The following CSMD1 variants were observed in gnomAD, a reference collection of about 807,000 sequenced individuals.
CSMD1 encodes CUB and sushi domain-containing protein 1.
In CSMD1, 213 loss-of-function variants were observed where a neutral mutation model predicts 417.5. That is an observed-to-expected ratio of 0.51 (90% confidence interval 0.46 to 0.57). The LOEUF (loss-of-function observed/expected upper bound fraction) is 0.57, where lower values mean the gene tolerates loss of function less well. CSMD1 is among the 20% of genes least tolerant of loss of function. CSMD1 has a pLI of 0.00. For missense variants in CSMD1, 6,923 were observed against 4,529.7 expected, an observed-to-expected ratio of 1.53 and a Z score of -15.17; for synonymous variants, 2,862 against 1,736.8, an observed-to-expected ratio of 1.65 and a Z score of -16.11.
At chr8:3,372,775 G>A (rs1420960599) in intron 18 of CSMD1, among the ~76,000 whole-genome samples, 1 of 152,138 alleles carries the variant, frequency 6.6e-6, no homozygotes, top group African/African-American at 2.4e-5. Flanking sequence ...GGTTACATAG[G>A]TCTGGAGGCC....
chr8:3,090,370 G>C (rs556950947), intron 48 of CSMD1, among the ~76,000 whole-genome samples: 43 of 143,590 alleles, frequency 3.0e-4, no homozygotes, highest in African/African-American at 1.0e-3. Context: ...TTTGGAACAA[G>C]GAGTTTGCTG....
intron 26 of CSMD1, among the ~76,000 whole-genome samples, chr8:3,260,835 G>C (rs1017676132): frequency 6.7e-6 from 1 of 149,896 alleles, no homozygotes; most frequent in African/African-American, 2.5e-5. Context: ...CTCTAAAAAA[G>C]ACCCTGTGAA....
In CSMD1 at chr8:4,347,374, T is replaced by C. The variant is rs184534238; in HGVS notation, c.415+72579A>G. Among the ~76,000 whole-genome samples, 9 of 152,322 alleles carry C rather than the reference T, an allele frequency of 5.9e-5. No individual in the cohort carries two copies. The East Asian group carries it at 1.7e-3, about 29-fold the overall frequency. ...ATAATCGATACTCTCTGCTCTTTGA[T>C]TTCTTGGGACATCTAAGACATTATC... On this transcript the variant is annotated intron_variant, in intron 3 of 69. Transcript: ENST00000635120.
chr8:3,448,908 A>G (rs10097211), intron 12 of CSMD1, among the ~76,000 whole-genome samples: 78,130 of 152,138 alleles, frequency 0.51, 20,222 homozygotes, highest in Admixed American at 0.58. Flanking sequence ...GCACCTCCCT[A>G]TGTATGAATG....
At chr8:3,130,209 G>C (rs1029699684) in intron 41 of CSMD1, among the ~76,000 whole-genome samples, 2 of 152,152 alleles carry the variant, frequency 1.3e-5, no homozygotes, top group African/African-American at 4.8e-5. Flanking sequence ...GATGATCACG[G>C]AGGAAGTGTT....
rs551578253 is a variant in CSMD1, at chr8:4,915,700, G to A, written c.85+78632C>T. On this transcript the variant is annotated intron_variant, in intron 1 of 69. Coordinates refer to ENST00000635120, the MANE Select transcript of CSMD1 (RefSeq NM_033225.6). ...CGGCGGCAGTGGATTTCGGGAGAGGGTCACGCCCTAAACATTATGTCCGGG... is the reference window on the plus strand; with the variant it reads ...CGGCGGCAGTGGATTTCGGGAGAGGATCACGCCCTAAACATTATGTCCGGG... Among the ~76,000 whole-genome samples the A allele has an allele frequency of 3.9e-5, 6 of 152,316 alleles. No homozygotes were observed. The East Asian group carries it at 1.2e-3, about 29-fold the overall frequency.
intron 1 of CSMD1, among the ~76,000 whole-genome samples, chr8:4,944,058 G>A (rs1391257617): frequency 6.6e-6 from 1 of 152,180 alleles, no homozygotes; most frequent in East Asian, 1.9e-4. Flanking sequence ...AAGAAGTGAG[G>A]AAGATGTTTG....
chr8:3,498,085 T>A (rs952197327), intron 10 of CSMD1, among the ~76,000 whole-genome samples: 1 of 152,188 alleles, frequency 6.6e-6, no homozygotes, highest in African/African-American at 2.4e-5. Flanking sequence ...TTGGCTGACA[T>A]TTCTTCTTCT....
At chr8:2,973,692 G>GT (rs1213225349) in intron 56 of CSMD1, among the ~76,000 whole-genome samples, 17 of 152,114 alleles carry the variant, frequency 1.1e-4, no homozygotes, top group African/African-American at 4.1e-4. Context: ...CAAAGGAGAG[G>GT]TTTAGCTCTT....
chr8:3,678,706 G>A (rs189134338), intron 7 of CSMD1, among the ~76,000 whole-genome samples: 1 of 152,154 alleles, frequency 6.6e-6, no homozygotes, highest in East Asian at 1.9e-4. Context: ...GATACTCCTC[G>A]AGAAGAGCAA....
chr8:4,275,469 G>C (rs544302491), intron 3 of CSMD1, among the ~76,000 whole-genome samples: 16 of 152,182 alleles, frequency 1.1e-4, no homozygotes, highest in African/African-American at 3.9e-4. Context: ...TTTACGTGTA[G>C]ATCACAGATC....
chr8:3,674,041 G>C (rs910893762), intron 7 of CSMD1, among the ~76,000 whole-genome samples: 1 of 152,144 alleles, frequency 6.6e-6, no homozygotes, highest in South Asian at 2.1e-4. Context: ...GGGAGGCAGA[G>C]GTTGCAATGA....
chr8:4,487,894 T>G (rs991554569), intron 2 of CSMD1, among the ~76,000 whole-genome samples: 2 of 152,196 alleles, frequency 1.3e-5, no homozygotes, highest in Admixed American at 6.5e-5. Context: ...AGGGATTAAA[T>G]AGACAAATGA....
intron 5 of CSMD1, among the ~76,000 whole-genome samples, chr8:3,761,114 G>T (rs986913460): frequency 6.6e-6 from 1 of 152,108 alleles, no homozygotes; most frequent in East Asian, 1.9e-4. Flanking sequence ...CACATTGTAA[G>T]TGAAATCATT....
intron 10 of CSMD1, among the ~76,000 whole-genome samples, chr8:3,525,685 T>C (rs528828844): frequency 3.9e-5 from 6 of 152,332 alleles, no homozygotes; most frequent in Admixed American, 6.5e-5. Flanking sequence ...TGCTGCTCTA[T>C]GTACCCAGCT....
intron 10 of CSMD1, among the ~76,000 whole-genome samples, chr8:3,525,980 G>A (rs1249663449): frequency 1.3e-5 from 2 of 152,092 alleles, no homozygotes; most frequent in Non-Finnish European, 2.9e-5. Context: ...GGTAAAATCA[G>A]CACCTCTCTA....
intron 3 of CSMD1, among the ~76,000 whole-genome samples, chr8:4,240,338 T>TG (rs1431980497): frequency 6.6e-6 from 1 of 152,216 alleles, no homozygotes; most frequent in African/African-American, 2.4e-5. Context: ...GCTGCATCTT[T>TG]GCTAAAAAGG....
intron 2 of CSMD1, among the ~76,000 whole-genome samples, chr8:4,530,739 A>G (rs13270020): frequency 2.0e-5 from 3 of 150,940 alleles, no homozygotes; most frequent in African/African-American, 4.9e-5. Flanking sequence ...TTTATCTAGT[A>G]TATCACTGAT....
At chr8:4,353,905 G>T (rs534306745) in intron 3 of CSMD1, among the ~76,000 whole-genome samples, 1 of 152,172 alleles carries the variant, frequency 6.6e-6, no homozygotes, top group Non-Finnish European at 1.5e-5. Flanking sequence ...TGTTCAGCAA[G>T]CTGTTTTTAC....
Sources: gnomAD v4.1 joint callset for allele counts (sites outside exome capture counted in the v4.1 genomes callset) on GRCh38, gnomAD v4.1.1 for gene constraint, MANE v1.5 for transcripts, NCBI Gene and HGNC (gene_info 2026-07-23, HGNC 2026-07-21) for gene names.